PCGF3: variants seen among roughly 807,000 people sequenced by gnomAD.
PCGF3 encodes polycomb group ring finger 3, also known as polycomb group RING finger protein 3.
In PCGF3, 7 loss-of-function variants were observed where a neutral mutation model predicts 33.1. The ratio of observed to expected loss-of-function variants is 0.21; its 90% CI spans 0.12 to 0.40. PCGF3 has a LOEUF of 0.40. Ranked by LOEUF, PCGF3 falls within the 10% of genes least tolerant of loss-of-function variation. PCGF3 has a pLI of 1.00. For missense variants in PCGF3, 211 were observed against 313.3 expected (o/e 0.67, Z 2.46); for synonymous variants, 153 against 121.3 (o/e 1.26, Z -1.72).
chr4:751,324 C>A (rs1230636509), intron 8 of PCGF3, among the ~76,000 whole-genome samples: 1 of 152,166 alleles, frequency 6.6e-6, no homozygotes, highest in Non-Finnish European at 1.5e-5. Flanking sequence ...TTCTAGGAAT[C>A]GCTTCTTCAT....
intron 8 of PCGF3, among the ~76,000 whole-genome samples, chr4:752,774 T>C (rs17721913): frequency 0.28 from 42,274 of 152,160 alleles, 6,152 homozygotes; most frequent in Admixed American, 0.34. Flanking sequence ...GGGAGGGGCC[T>C]GCGCGTGGCT....
At chr4:744,186 C>A (rs1160576606) in intron 7 of PCGF3, among the ~76,000 whole-genome samples, 1 of 152,188 alleles carries the variant, frequency 6.6e-6, no homozygotes, top group African/African-American at 2.4e-5. Context: ...CCTGTCAGAA[C>A]CCTTTTACCT....
At chr4:716,983 G>A (rs1742881218) in intron 1 of PCGF3, among the ~76,000 whole-genome samples, 2 of 139,804 alleles carry the variant, frequency 1.4e-5, no homozygotes, top group Non-Finnish European at 1.5e-5. Flanking sequence ...CTGGGACCCT[G>A]TAGACACTGA....
chr4:753,791 AC>A (rs1428391050), intron 8 of PCGF3, among the ~76,000 whole-genome samples: 1 of 152,022 alleles, frequency 6.6e-6, no homozygotes, highest in Non-Finnish European at 1.5e-5. Flanking sequence ...CTACTAAAAT[AC>A]AAAAAATTAG....
intron 1 of PCGF3, among the ~76,000 whole-genome samples, chr4:715,806 T>C (rs1742802993): frequency 3.0e-5 from 2 of 67,006 alleles, no homozygotes; most frequent in Non-Finnish European, 6.7e-5. Flanking sequence ...CTGTAGACAC[T>C]TAGTGTGAGA....
chr4:715,885 T>C (rs1012825805), intron 1 of PCGF3, among the ~76,000 whole-genome samples: 3 of 119,972 alleles, frequency 2.5e-5, no homozygotes, highest in Non-Finnish European at 5.6e-5. Flanking sequence ...GCTGGGACCC[T>C]GTGGACACTG....
exon 11 of PCGF3, chr4:766,199 A>C: frequency 1.3e-6 from 1 of 750,682 alleles, no homozygotes; most frequent in Non-Finnish European, 2.2e-6. Flanking sequence ...GAGAATATTT[A>C]TAACTTTTGT....
chr4:726,955 T>C (rs1402870519), intron 1 of PCGF3, among the ~76,000 whole-genome samples: 1 of 152,184 alleles, frequency 6.6e-6, no homozygotes, highest in African/African-American at 2.4e-5. Flanking sequence ...TGTGCCTGTG[T>C]CCTCCCACCA....
At chr4:718,103 T>G (rs1742931689) in intron 1 of PCGF3, among the ~76,000 whole-genome samples, 1 of 152,104 alleles carries the variant, frequency 6.6e-6, no homozygotes, top group Admixed American at 6.5e-5. Context: ...TGGGGCTCCC[T>G]GGGGTGCAAG....
At chr4:766,134 C>T (rs1432726338) in exon 11 of PCGF3, 6 of 1,474,326 alleles carry the variant, frequency 4.1e-6, no homozygotes, top group Non-Finnish European at 5.7e-6. Context: ...GTGCTCCCGG[C>T]CGCCGCGCTT....
At chr4:734,901 TCTC>T (rs1371686505) in intron 4 of PCGF3, 27 bp from the exon 5 acceptor site, 1 of 1,608,072 alleles carries the variant, frequency 6.2e-7, no homozygotes, top group Middle Eastern at 1.7e-4. Context: ...CTCTAGACGC[TCTC>T]CTAACACACC....
At chr4:756,161 C>T (rs1419413855) in intron 8 of PCGF3, among the ~76,000 whole-genome samples, 4 of 151,062 alleles carry the variant, frequency 2.6e-5, no homozygotes, top group South Asian at 2.1e-4. Flanking sequence ...GTGATTCACC[C>T]GCCTCAGCCT....
At chr4:733,047 GGGGCCCC>G in intron 3 of PCGF3, among the ~76,000 whole-genome samples, 1 of 146,910 alleles carries the variant, frequency 6.8e-6, no homozygotes, top group Non-Finnish European at 1.5e-5. Flanking sequence ...AGGGTAGGGT[GGGGCCCC>G]TGCCGCGTGC....
intron 8 of PCGF3, among the ~76,000 whole-genome samples, chr4:760,188 T>C (rs1455721616): frequency 6.6e-6 from 1 of 152,250 alleles, no homozygotes; most frequent in African/African-American, 2.4e-5. Flanking sequence ...TGGATTCTTT[T>C]GCTTCCTGAA....
intron 1 of PCGF3, among the ~76,000 whole-genome samples, chr4:712,558 T>C (rs1742618505): frequency 6.6e-6 from 1 of 152,238 alleles, no homozygotes; most frequent in Admixed American, 6.5e-5. Context: ...GTGATTCTCC[T>C]GCCTCAGCTC....
chr4:737,402 A>G, intron 5 of PCGF3, 64 bp from the exon 6 acceptor site: 2 of 1,048,338 alleles, frequency 1.9e-6, no homozygotes, highest in South Asian at 1.3e-5. Flanking sequence ...TGTTAAATGG[A>G]AAGTGTACAA....
In PCGF3 at chr4:720,685, G is replaced by A. The variant is rs940306002; in HGVS notation, c.-189-9945G>A. The stretch of plus-strand genomic sequence containing the variant: ...ACGTGCGTGTGGACCCGGGGTGGAC[G>A]GGCGGTGACGTGCGTGTGGACCCGG... On this transcript the variant is annotated intron_variant, in intron 1 of 10. Coordinates refer to ENST00000362003, the Ensembl canonical transcript of PCGF3. This position sits in a 1 kb window ranked among gnomAD's most constrained non-coding sequence, Gnocchi z 5.6. Among the ~76,000 whole-genome samples the A allele has an allele frequency of 6.6e-6, 1 of 151,126 alleles. No homozygotes were observed. Among genetic ancestry groups the A allele is most frequent in the Non-Finnish European group, 1.5e-5 (1 of 67,790 alleles).
exon 11 of PCGF3, chr4:766,346 C>A: frequency 2.5e-6 from 1 of 398,150 alleles, no homozygotes; most frequent in Non-Finnish European, 4.5e-6. Flanking sequence ...GAGAGTGATG[C>A]TCCAGGCAAC....
intron 8 of PCGF3, among the ~76,000 whole-genome samples, chr4:748,524 G>A (rs1023790468): frequency 1.3e-5 from 2 of 152,176 alleles, no homozygotes; most frequent in African/African-American, 2.4e-5. Context: ...ACATTTACAC[G>A]TTGTTTAAAA....
Sources: gnomAD v4.1 joint callset for allele counts (sites outside exome capture counted in the v4.1 genomes callset) on GRCh38, gnomAD v4.1.1 for gene constraint, Gnocchi (gnomAD v3.1) non-coding constraint, MANE v1.5 for transcripts, NCBI Gene and HGNC (gene_info 2026-07-23, HGNC 2026-07-21) for gene names.